The following LUZP1 variants were observed in gnomAD, a reference collection of about 807,000 sequenced individuals.
LUZP1 encodes the protein leucine zipper protein 1.
A neutral mutation model predicts 71.3 loss-of-function variants in LUZP1; 25 were observed. The observed-to-expected ratio is 0.35, with a 90% confidence interval of 0.26 to 0.49. The LOEUF is 0.49. LUZP1 is among the 20% of genes least tolerant of loss of function. The pLI is 0.99. For missense variants in LUZP1, 1,142 were observed against 1,300.8 expected (o/e 0.88, Z 1.88); for synonymous variants, 481 against 506.4 (o/e 0.95, Z 0.67).
rs543091401 is a variant in LUZP1, at chr1:23,134,794, A to G, written c.-225-25667T>C. Among the ~76,000 whole-genome samples the G allele has an allele frequency of 6.3e-4, 96 of 152,276 alleles. No homozygotes were observed. The South Asian group carries it at 0.019, about 30-fold the overall frequency. On this transcript the variant is annotated intron_variant, in intron 2 of 4. Coordinates refer to ENST00000302291, the Ensembl canonical transcript of LUZP1. ...TGAGACCCTGTCTGAAACAAACAAA[A>G]ATAGCAGTGGAAATTAGTTGCCATG...
Position 23,127,625 on chromosome 1 carries a change from G to A in LUZP1, c.-225-18498C>T, listed in dbSNP as rs113951453. Among the ~76,000 whole-genome samples, 721 of 152,192 alleles carry A rather than the reference G, an allele frequency of 4.7e-3. 4 individuals carry two copies. The highest frequency in any genetic ancestry group is 0.017 in the African/African-American group (695 of 41,548). On this transcript the variant is annotated intron_variant, in intron 2 of 4. Coordinates refer to ENST00000302291, the Ensembl canonical transcript of LUZP1. ...TGCAAGCTCCGACTCCCGGGTTCAC[G>A]CCATTCTCCTGCCTCAGCCTCCCAA...
chr1:23,165,330 T>C (rs1644501247), intron 2 of LUZP1, among the ~76,000 whole-genome samples: 1 of 152,130 alleles, frequency 6.6e-6, no homozygotes, highest in African/African-American at 2.4e-5. Flanking sequence ...TGGTGAATTT[T>C]ATTGTATGTA....
chr1:23,092,157 G>A (rs147101646), exon 4 of LUZP1: 145 of 1,614,008 alleles, frequency 9.0e-5, no homozygotes, highest in Non-Finnish European at 1.2e-4. Flanking sequence ...AAATAGGGAG[G>A]TTCTAGGTGC....
At chr1:23,106,002 A>C (rs1643978342) in intron 3 of LUZP1, among the ~76,000 whole-genome samples, 4 of 152,176 alleles carry the variant, frequency 2.6e-5, no homozygotes, top group Non-Finnish European at 5.9e-5. Flanking sequence ...TGATATATAT[A>C]TCAAACTGCT....
At chr1:23,159,710 C>T (rs113418503) in intron 2 of LUZP1, among the ~76,000 whole-genome samples, 71 of 152,280 alleles carry the variant, frequency 4.7e-4, no homozygotes, top group African/African-American at 1.6e-3. Flanking sequence ...TCACGCCAGA[C>T]GCGGTGGCTC....
At chr1:23,118,785 C>T (rs537914851) in intron 2 of LUZP1, among the ~76,000 whole-genome samples, 7 of 152,310 alleles carry the variant, frequency 4.6e-5, no homozygotes, top group Non-Finnish European at 8.8e-5. Flanking sequence ...CCTAATTTCA[C>T]TTGATTCCCT....
At chr1:23,148,658 GA>G (rs1644360426) in intron 2 of LUZP1, among the ~76,000 whole-genome samples, 4 of 152,140 alleles carry the variant, frequency 2.6e-5, no homozygotes. Context: ...TTCTGTGACA[GA>G]ATCTGATTTG....
exon 5 of LUZP1, chr1:23,086,252 C>T (rs1643763269): frequency 6.6e-6 from 1 of 152,622 alleles, no homozygotes. Flanking sequence ...CCAGCCTTTA[C>T]TTGCTATTAC....
chr1:23,141,387 C>G (rs773652272), intron 2 of LUZP1, among the ~76,000 whole-genome samples: 1 of 152,154 alleles, frequency 6.6e-6, no homozygotes, highest in Non-Finnish European at 1.5e-5. Context: ...TTCAAGGGAC[C>G]CAAGAAGACA....
chr1:23,104,282 G>A (rs1643961722), intron 3 of LUZP1, among the ~76,000 whole-genome samples: 1 of 151,602 alleles, frequency 6.6e-6, no homozygotes, highest in Admixed American at 6.6e-5. Flanking sequence ...TGGGTTCAAG[G>A]GATTCTCGAG....
At chr1:23,138,513 G>T (rs1196310783) in intron 2 of LUZP1, among the ~76,000 whole-genome samples, 1 of 152,120 alleles carries the variant, frequency 6.6e-6, no homozygotes, top group African/African-American at 2.4e-5. Context: ...AACGGAGAGT[G>T]ACTGCTAATG....
chr1:23,122,179 A>G (rs1039051673), intron 2 of LUZP1, among the ~76,000 whole-genome samples: 1 of 152,210 alleles, frequency 6.6e-6, no homozygotes, highest in Non-Finnish European at 1.5e-5. Flanking sequence ...TGGGCACTCA[A>G]TAAAGTTGTG....
At chr1:23,166,653 C>CAAAAAAA (rs538327046) in intron 2 of LUZP1, among the ~76,000 whole-genome samples, 13 of 70,892 alleles carry the variant, frequency 1.8e-4, no homozygotes, top group African/African-American at 5.0e-4. Context: ...CACTCCGTCT[C>CAAAAAAA]AAAAAAAAAA....
chr1:23,092,826 G>C (rs766262615), exon 4 of LUZP1: 7 of 1,612,720 alleles, frequency 4.3e-6, no homozygotes, highest in Non-Finnish European at 5.9e-6. Flanking sequence ...CTGAGCAGCC[G>C]GGGGGTAGCG....
chr1:23,097,807 A>T (rs1303637725), intron 3 of LUZP1, among the ~76,000 whole-genome samples: 1 of 152,198 alleles, frequency 6.6e-6, no homozygotes, highest in African/African-American at 2.4e-5. Context: ...GTGCCACTGT[A>T]CTCCAGCCAG....
At position 23,119,862 on chromosome 1, in the gene LUZP1, T is replaced by C. The variant is rs553407819; in HGVS notation, c.-225-10735A>G. 4.6e-5 allele frequency among the ~76,000 whole-genome samples: 7 copies of C among 152,296 alleles called. No homozygotes were observed. In the South Asian group the frequency reaches 1.5e-3, roughly 32 times the overall value. On this transcript the variant is annotated intron_variant, in intron 2 of 4. Coordinates refer to ENST00000302291, the Ensembl canonical transcript of LUZP1. Reference sequence around the variant, plus strand: ...GAAAGAATAATTCATCTCCCTCATGTACAACCCTTTCAAATAACATTAAAT... The same window carrying C: ...GAAAGAATAATTCATCTCCCTCATGCACAACCCTTTCAAATAACATTAAAT...
intron 2 of LUZP1, among the ~76,000 whole-genome samples, chr1:23,120,286 G>T (rs930833171): frequency 6.6e-6 from 1 of 151,902 alleles, no homozygotes; most frequent in Non-Finnish European, 1.5e-5. Flanking sequence ...TGAAATTCAG[G>T]ATCCCTAGAA....
chr1:23,163,237 CAAAAAA>C (rs36097785), intron 2 of LUZP1, among the ~76,000 whole-genome samples: 2 of 45,172 alleles, frequency 4.4e-5, no homozygotes, highest in Non-Finnish European at 9.0e-5. Context: ...GAGACTCTCT[CAAAAAA>C]AAAAAAAAAA....
intron 2 of LUZP1, among the ~76,000 whole-genome samples, chr1:23,131,789 G>C (rs1400534965): frequency 6.6e-6 from 1 of 152,126 alleles, no homozygotes; most frequent in Non-Finnish European, 1.5e-5. Context: ...GGGTTCAAGT[G>C]ATTCTCTTGC....
Sources: gnomAD v4.1 joint callset for allele counts (sites outside exome capture counted in the v4.1 genomes callset) on GRCh38, gnomAD v4.1.1 for gene constraint, MANE v1.5 for transcripts, NCBI Gene and HGNC (gene_info 2026-07-23, HGNC 2026-07-21) for gene names.